MIPEP: variants seen among roughly 807,000 people sequenced by gnomAD.
MIPEP encodes the protein mitochondrial intermediate peptidase.
In MIPEP, 79 loss-of-function variants were observed where a neutral mutation model predicts 90.3. That is an observed-to-expected ratio of 0.87 (90% CI 0.73 to 1.05). MIPEP has a LOEUF of 1.05. Among genes scored for constraint, MIPEP ranks in the 50% least tolerant of loss-of-function variants. MIPEP has a pLI of 0.00. For missense variants in MIPEP, 940 were observed against 905.6 expected, an observed-to-expected ratio of 1.04 and a Z score of -0.49; for synonymous variants, 334 against 315.8, an observed-to-expected ratio of 1.06 and a Z score of -0.61.
chr13:23,779,214 T>C (rs1414890486), intron 16 of MIPEP, among the ~76,000 whole-genome samples: 3 of 152,216 alleles, frequency 2.0e-5, no homozygotes, highest in African/African-American at 7.2e-5. Flanking sequence ...AACAGAAACG[T>C]ACAGCTATTG....
At chr13:23,742,947 T>C (rs569399517) in intron 18 of MIPEP, among the ~76,000 whole-genome samples, 3 of 152,288 alleles carry the variant, frequency 2.0e-5, no homozygotes, top group Middle Eastern at 3.4e-3. Flanking sequence ...ATGGTTAAAA[T>C]GGCAAATGGT....
chr13:23,795,592 A>G (rs1202338785), intron 16 of MIPEP, among the ~76,000 whole-genome samples: 1 of 152,210 alleles, frequency 6.6e-6, no homozygotes, highest in African/African-American at 2.4e-5. Flanking sequence ...ACTATTCTAA[A>G]ATTAACGCTT....
intron 18 of MIPEP, among the ~76,000 whole-genome samples, chr13:23,748,017 G>A (rs1050745719): frequency 6.6e-6 from 1 of 152,106 alleles, no homozygotes; most frequent in Non-Finnish European, 1.5e-5. Context: ...GGTATTACAG[G>A]CATGAGCCAC....
intron 14 of MIPEP, among the ~76,000 whole-genome samples, chr13:23,811,069 T>C (rs1485905537): frequency 6.6e-6 from 1 of 152,214 alleles, no homozygotes; most frequent in Non-Finnish European, 1.5e-5. Context: ...TCATCTTGTA[T>C]GAAAGAAATA....
At chr13:23,819,369 G>A (rs1409192990) in intron 14 of MIPEP, among the ~76,000 whole-genome samples, 2 of 152,184 alleles carry the variant, frequency 1.3e-5, no homozygotes, top group Non-Finnish European at 2.9e-5. Context: ...TTACAAAAGA[G>A]GAACCTGATG....
intron 18 of MIPEP, among the ~76,000 whole-genome samples, chr13:23,744,177 T>G (rs2138493476): frequency 6.6e-6 from 1 of 152,358 alleles, no homozygotes; most frequent in East Asian, 1.9e-4. Context: ...CTTATTTTCC[T>G]ACAAAATCAT....
At chr13:23,774,916 TC>T (rs1176779860) in intron 16 of MIPEP, among the ~76,000 whole-genome samples, 2 of 148,166 alleles carry the variant, frequency 1.3e-5, no homozygotes, top group East Asian at 4.3e-4. Context: ...TGCCTCAGCC[TC>T]CCTGGTAGCT....
chr13:23,734,212 G>A (rs1952235248), intron 18 of MIPEP, among the ~76,000 whole-genome samples: 1 of 152,044 alleles, frequency 6.6e-6, no homozygotes, highest in African/African-American at 2.4e-5. Context: ...ATATTTGAGG[G>A]GTTGCCTCTC....
chr13:23,824,221 C>A (rs544938324), intron 14 of MIPEP, among the ~76,000 whole-genome samples: 1 of 152,316 alleles, frequency 6.6e-6, no homozygotes, highest in Non-Finnish European at 1.5e-5. Context: ...TATTCTCTAA[C>A]ATTTCACAAT....
chr13:23,770,979 C>T (rs1432517517), intron 16 of MIPEP, among the ~76,000 whole-genome samples: 1 of 152,156 alleles, frequency 6.6e-6, no homozygotes, highest in Non-Finnish European at 1.5e-5. Context: ...GAAAATCATC[C>T]ATCTTTCCAA....
Position 23,775,109 on chromosome 13 carries a change from C to CTGTGTGTGTGTGTG in MIPEP, c.1849-14906_1849-14893dup, listed in dbSNP as rs57354012. On this transcript the variant is annotated intron_variant, in intron 16 of 18. Transcript: ENST00000382172. Reference sequence around the variant, plus strand: ...TCACTGCACCCAGCCTATCAGTTCTCTGTGTGTGTGTGTGTGTGTGTGTGT... The same window carrying CTGTGTGTGTGTGTG: ...TCACTGCACCCAGCCTATCAGTTCTCTGTGTGTGTGTGTGTGTGTGTGTGTGTGTGTGTGTGTGT... Among the ~76,000 whole-genome samples the CTGTGTGTGTGTGTG allele has an allele frequency of 7.8e-4, 117 of 149,174 alleles. 1 individual carries two copies. The highest frequency in any genetic ancestry group is 4.3e-3 in the South Asian group (20 of 4,606).
chr13:23,877,447 C>T (rs924484500), intron 4 of MIPEP, among the ~76,000 whole-genome samples: 24 of 152,156 alleles, frequency 1.6e-4, no homozygotes, highest in African/African-American at 5.8e-4. Flanking sequence ...TTATTATAGT[C>T]TTTGCATACA....
intron 10 of MIPEP, among the ~76,000 whole-genome samples, chr13:23,847,031 G>C (rs571785309): frequency 1.3e-5 from 2 of 152,094 alleles, no homozygotes; most frequent in Non-Finnish European, 2.9e-5. Flanking sequence ...CTAAGTAGAA[G>C]GCCTGAGACC....
At chr13:23,884,896 G>A (rs1307740499) in intron 2 of MIPEP, among the ~76,000 whole-genome samples, 3 of 152,114 alleles carry the variant, frequency 2.0e-5, no homozygotes, top group Non-Finnish European at 2.9e-5. Flanking sequence ...TATTTAAATT[G>A]TGTGTGCTGC....
At chr13:23,802,743 C>CTTTCACAT (rs1459522473) in intron 16 of MIPEP, among the ~76,000 whole-genome samples, 1 of 151,984 alleles carries the variant, frequency 6.6e-6, no homozygotes, top group African/African-American at 2.4e-5. Flanking sequence ...AAGCAATATG[C>CTTTCACAT]ATTCAATAGA....
intron 16 of MIPEP, among the ~76,000 whole-genome samples, chr13:23,770,384 A>T (rs1043892365): frequency 2.0e-5 from 3 of 152,098 alleles, no homozygotes; most frequent in African/African-American, 7.2e-5. Context: ...GTCTTTTTAA[A>T]TTACGCTTCT....
chr13:23,779,607 G>C (rs901763751), intron 16 of MIPEP, among the ~76,000 whole-genome samples: 1 of 152,076 alleles, frequency 6.6e-6, no homozygotes, highest in African/African-American at 2.4e-5. Context: ...TCGGACAGTA[G>C]GGGCAGGACA....
chr13:23,857,986 A>G (rs532529018), intron 10 of MIPEP, among the ~76,000 whole-genome samples: 9 of 150,900 alleles, frequency 6.0e-5, no homozygotes, highest in South Asian at 2.1e-4. Flanking sequence ...TTTAATGAGG[A>G]AAAAAAAACA....
Position 23,886,353 on chromosome 13 carries a change from A to T in MIPEP, c.343T>A (p.Leu115Ile). The T allele has an allele frequency of 6.3e-7, 1 of 1,580,966 alleles. No homozygotes were observed. Among genetic ancestry groups the T allele is most frequent in the Non-Finnish European group, 8.6e-7 (1 of 1,163,172 alleles). ...CTTACCAAGTCGGCCACTCTGCATAAGGAATCCGAGAGCTCATCGAAGATC... is the reference window on the plus strand; with the variant it reads ...CTTACCAAGTCGGCCACTCTGCATATGGAATCCGAGAGCTCATCGAAGATC... Reference protein sequence around the residue: ...VLIFDELSDSLCRVADLADFV... With the variant: ...VLIFDELSDSICRVADLADFV... Residue 115 changes from leucine (L) to isoleucine (I), a missense_variant, in exon 2 of 19, where the codon TTA becomes ATA. Transcript: ENST00000382172.
Sources: gnomAD v4.1 joint callset for allele counts (sites outside exome capture counted in the v4.1 genomes callset) on GRCh38, gnomAD v4.1.1 for gene constraint, MANE v1.5 for transcripts, NCBI Gene and HGNC (gene_info 2026-07-23, HGNC 2026-07-21) for gene names.